PPP6R2: variants seen among roughly 807,000 people sequenced by gnomAD.
The protein encoded by PPP6R2 is serine/threonine-protein phosphatase 6 regulatory subunit 2.
PPP6R2 carries 62 observed loss-of-function variants against 100.2 expected under a neutral mutation model. The observed-to-expected ratio is 0.62, with a 90% CI of 0.50 to 0.76. The LOEUF (loss-of-function observed/expected upper bound fraction) is 0.76. Among genes scored for constraint, PPP6R2 ranks in the 30% least tolerant of loss-of-function variants. PPP6R2 has a pLI of 0.00. For missense variants in PPP6R2, 1,142 were observed against 1,276.3 expected (o/e 0.89, Z 1.60); for synonymous variants, 525 against 514.7 (o/e 1.02, Z -0.27).
rs960850092 is a variant in PPP6R2, at chr22:50,441,224, A to C, written c.2579+198A>C. 4 of 582,220 alleles carry C rather than the reference A, an allele frequency of 6.9e-6. No homozygotes were observed. In the African/African-American group the frequency reaches 7.4e-5, roughly 11 times the overall value. 36.1% of individuals were successfully genotyped at this position (582,220 alleles called of 1,614,324 possible). On this transcript the variant is annotated intron_variant, in intron 22 of 23. Coordinates refer to ENST00000612753, the MANE Select transcript of PPP6R2 (RefSeq NM_001242898.2). The stretch of plus-strand genomic sequence containing the variant: ...GCCCACGCGTTTACGTGGAGGCCAG[A>C]TGGGAGAAGTGTGGGGCCTTCTTTC...
rs2056188164 is a variant in PPP6R2, at chr22:50,393,939, T to C, written c.31T>C (p.Ser11Pro). The C allele has an allele frequency of 6.2e-7, 1 of 1,614,042 alleles. No individual in the cohort carries two copies. Among genetic ancestry groups the C allele is most frequent in the African/African-American group, 1.3e-5 (1 of 74,912 alleles). The change falls in exon 3 of 24, where the codon TCC becomes CCC. Residue 11 changes from serine to proline, a missense_variant. Transcript: ENST00000612753. MFWKFDLNTT[S>P]HVDKLLDKEH... ...CTGGAAGTTTGACTTGAACACCACG[T>C]CCCATGTTGACAAGCTGCTGGACAA...
intron 3 of PPP6R2, among the ~76,000 whole-genome samples, chr22:50,402,139 C>T (rs1359756026): frequency 2.0e-5 from 3 of 151,858 alleles, no homozygotes; most frequent in Admixed American, 6.6e-5. Context: ...ATAAGTGGGG[C>T]CCTAGATCCT....
chr22:50,379,690 G>T (rs1013191747), intron 2 of PPP6R2, among the ~76,000 whole-genome samples: 6 of 151,996 alleles, frequency 3.9e-5, no homozygotes, highest in Admixed American at 3.9e-4. Context: ...GACCAGCCTG[G>T]GCCACATAGG....
At chr22:50,440,154 G>A (rs1429727225) in intron 21 of PPP6R2, 105 bp downstream of exon 21, 49 of 1,027,518 alleles carry the variant, frequency 4.8e-5, no homozygotes, top group Non-Finnish European at 5.5e-5. Context: ...CCGGGGCCTC[G>A]CATGCTGCTA....
chr22:50,370,531 C>G (rs1166062248), intron 1 of PPP6R2, among the ~76,000 whole-genome samples: 4 of 152,194 alleles, frequency 2.6e-5, no homozygotes, highest in Non-Finnish European at 5.9e-5. Context: ...TCGTGATCCA[C>G]CCGCCTTGGC....
At chr22:50,356,913 G>A (rs144869866) in intron 1 of PPP6R2, among the ~76,000 whole-genome samples, 2,368 of 150,620 alleles carry the variant, frequency 0.016, 29 homozygotes, top group South Asian at 0.037. Flanking sequence ...CAGCTTGGGC[G>A]ACAGAGGGAG....
rs1176496532 is a variant in PPP6R2 at position 50,436,870 on chromosome 22, T to C, written c.1603-118T>C. The C allele has an allele frequency of 3.7e-6, 3 of 800,804 alleles. No homozygotes were observed. In the East Asian group the frequency reaches 8.0e-5, roughly 21 times the overall value. The allele number at this position is 800,804 out of a possible 1,614,324, so 49.6% of individuals were successfully genotyped here. ...CTCCTGGGCCCAGAGATCTGATGAG[T>C]GATGTGCTGGGTGGGGTCTGGGAGC... On this transcript the variant is annotated intron_variant, in intron 14 of 23. Transcript: ENST00000612753.
At chr22:50,334,406 G>A in the PPP6R2 span, among the ~76,000 whole-genome samples, 1 of 152,140 alleles carries the variant, frequency 6.6e-6, no homozygotes, top group East Asian at 1.9e-4. Context: ...TTTTTCCTAG[G>A]TTATACTTGT....
chr22:50,423,488 T>C lies in PPP6R2; in HGVS notation c.999T>C (p.Gly333=), dbSNP rs747912934. The C allele has an allele frequency of 6.2e-7, 1 of 1,614,212 alleles. No individual in the cohort carries two copies. Residue 333 remains glycine, a synonymous_variant, in exon 10 of 24, where the codon GGT becomes GGC. Transcript: ENST00000612753. This position sits in a 1 kb window ranked among gnomAD's most constrained non-coding sequence, Gnocchi z 4.8. ...PKKKAILTTI[G]VLEEPLGNAR... ...AGAAAGCGATCCTGACCACCATTGG[T>C]GTGCTGGAGGAGCCCCTGGGGAATG... is the stretch of plus-strand genomic sequence containing the variant.
chr22:50,364,382 C>G (rs1270436499), intron 1 of PPP6R2, among the ~76,000 whole-genome samples: 1 of 152,138 alleles, frequency 6.6e-6, no homozygotes, highest in African/African-American at 2.4e-5. Flanking sequence ...GTGATTGTCT[C>G]TCAAGAAGGG....
At chr22:50,334,871 G>C in the PPP6R2 span, among the ~76,000 whole-genome samples, 1 of 151,918 alleles carries the variant, frequency 6.6e-6, no homozygotes, top group Non-Finnish European at 1.5e-5. Context: ...GGAGACTGAG[G>C]CAGGAGAATC....
At chr22:50,394,600 TA>T (rs67708136) in intron 3 of PPP6R2, among the ~76,000 whole-genome samples, 22,853 of 80,572 alleles carry the variant, frequency 0.28, 2,971 homozygotes, top group Non-Finnish European at 0.37. Context: ...ACCCTGTCTT[TA>T]AAAAAAAAAA....
At chr22:50,413,197 A>T (rs1433488365) in intron 4 of PPP6R2, among the ~76,000 whole-genome samples, 1 of 151,912 alleles carries the variant, frequency 6.6e-6, no homozygotes, top group African/African-American at 2.4e-5. Flanking sequence ...GTCTGACCTC[A>T]GGTGATCCAC....
At chr22:50,379,368 A>C (rs1176910778) in intron 2 of PPP6R2, among the ~76,000 whole-genome samples, 1 of 151,928 alleles carries the variant, frequency 6.6e-6, no homozygotes, top group Non-Finnish European at 1.5e-5. Context: ...GCGGTGGTGC[A>C]TGCCTGTAGT....
intron 3 of PPP6R2, among the ~76,000 whole-genome samples, chr22:50,399,092 AAAG>A (rs1482857588): frequency 6.6e-6 from 1 of 152,206 alleles, no homozygotes; most frequent in Non-Finnish European, 1.5e-5. Flanking sequence ...CTAAAAATAC[AAAG>A]AATTAGCCAG....
chr22:50,339,298 ATGTGGTGTGTGTTGTGGGTGTAGTGTG>A (rs1601853277), upstream of PPP6R2, among the ~76,000 whole-genome samples: 2 of 49,148 alleles, frequency 4.1e-5, no homozygotes, highest in Non-Finnish European at 7.6e-5. Context: ...TGTGTGTGGT[ATGTGGTGTGTGTTGTGGGTGTAGTGTG>A]TGTGGTGTGT....
At chr22:50,370,734 A>G (rs1406115337) in intron 1 of PPP6R2, among the ~76,000 whole-genome samples, 1 of 151,772 alleles carries the variant, frequency 6.6e-6, no homozygotes, top group Non-Finnish European at 1.5e-5. Context: ...CCCGGGTTCA[A>G]GTGATTCTCC....
At chr22:50,426,833 C>CAA (rs71198248) in intron 10 of PPP6R2, among the ~76,000 whole-genome samples, 5,024 of 102,092 alleles carry the variant, frequency 0.049, 451 homozygotes, top group African/African-American at 0.18. Context: ...GATTCTGTTT[C>CAA]AAAAAAAAAA....
At chr22:50,335,218 ATTT>A in the PPP6R2 span, among the ~76,000 whole-genome samples, 36 of 101,662 alleles carry the variant, frequency 3.5e-4, no homozygotes, top group African/African-American at 1.2e-3. Flanking sequence ...CACCCGGCTA[ATTT>A]TTTTTTTTTT....
Sources: gnomAD v4.1 joint callset for allele counts (sites outside exome capture counted in the v4.1 genomes callset) on GRCh38, gnomAD v4.1.1 for gene constraint, Gnocchi (gnomAD v3.1) non-coding constraint, MANE v1.5 for transcripts, NCBI Gene and HGNC (gene_info 2026-07-23, HGNC 2026-07-21) for gene names.